Variants in TAF4 observed in about 807,000 individuals in gnomAD.
The protein encoded by TAF4 is transcription initiation factor TFIID subunit 4.
Under a neutral mutation model 90.3 loss-of-function variants are expected in TAF4, and 9 were observed. That is an observed-to-expected ratio of 0.10 (90% CI 0.06 to 0.17). The LOEUF (loss-of-function observed/expected upper bound fraction) is 0.17, where lower values mean the gene tolerates loss of function less well. Ranked by LOEUF, TAF4 falls within the 10% of genes least tolerant of loss-of-function variation. The pLI, the probability that TAF4 is intolerant of heterozygous loss-of-function variation, is 1.00. For missense variants in TAF4, 1,351 were observed against 1,370.7 expected, an observed-to-expected ratio of 0.99 and a Z score of 0.23; for synonymous variants, 818 against 638.9, an observed-to-expected ratio of 1.28 and a Z score of -4.23.
chr20:62,054,809 C>T (rs1483559736), intron 1 of TAF4, among the ~76,000 whole-genome samples: 1 of 152,142 alleles, frequency 6.6e-6, no homozygotes, highest in African/African-American at 2.4e-5. Context: ...CCGTCATGGC[C>T]ATCAGAGCCA....
At position 61,975,817 on chromosome 20, in the gene TAF4, T is replaced by G. The variant is rs1006063094; in HGVS notation, c.*351A>C. 7.7e-6 allele frequency: 2 copies of G among 259,520 alleles called. No homozygotes were observed. Among genetic ancestry groups the G allele is most frequent in the African/African-American group, 4.4e-5 (2 of 45,572 alleles). The allele number at this position is 259,520 out of a possible 1,614,324, so 16.1% of individuals were successfully genotyped here. A position where few individuals can be genotyped will look rare whatever the true frequency, so the allele number is the denominator to read the frequency against. ...ACATACACCTACATAGTAAGTTAGGTAGAACTAAACCAAAATGCACAAATA... is the reference window on the plus strand; with the variant it reads ...ACATACACCTACATAGTAAGTTAGGGAGAACTAAACCAAAATGCACAAATA... On this transcript the variant is annotated 3_prime_UTR_variant, in exon 15 of 15. Coordinates refer to ENST00000252996, the MANE Select transcript of TAF4 (RefSeq NM_003185.4).
In TAF4 at chr20:62,000,457, A is replaced by T. The variant is rs957046082; in HGVS notation, c.2656+95T>A. 2.7e-6 allele frequency: 4 copies of T among 1,463,338 alleles called. No homozygotes were observed. In the East Asian group the frequency reaches 6.8e-5, roughly 25 times the overall value. 90.6% of individuals were successfully genotyped at this position (1,463,338 alleles called of 1,614,324 possible). On this transcript the variant is annotated intron_variant, in intron 10 of 14. Transcript: ENST00000252996. ...TGTGGAAATCACAAACTCAGACAAAACACATGACCAGGTGTCAGGTGTGCT... is the reference window on the plus strand; with the variant it reads ...TGTGGAAATCACAAACTCAGACAAATCACATGACCAGGTGTCAGGTGTGCT...
At chr20:61,997,746 T>C (rs1343829716) in intron 13 of TAF4, 77 bp from the exon 14 acceptor site, 3 of 1,472,312 alleles carry the variant, frequency 2.0e-6, no homozygotes, top group African/African-American at 2.9e-5. Context: ...TACATAGATA[T>C]GAAAGGGTTT....
At chr20:62,049,167 T>A (rs766011975) in intron 1 of TAF4, among the ~76,000 whole-genome samples, 2 of 151,918 alleles carry the variant, frequency 1.3e-5, no homozygotes, top group Non-Finnish European at 2.9e-5. Context: ...GTTCTCCAGG[T>A]GCAGCAGTGC....
At chr20:62,030,141 A>G (rs1284687213) in intron 1 of TAF4, among the ~76,000 whole-genome samples, 2 of 152,336 alleles carry the variant, frequency 1.3e-5, no homozygotes, top group East Asian at 3.9e-4. Context: ...CACGTGCACA[A>G]GGAGAGGAGG....
At chr20:62,031,244 G>A (rs1314571054) in intron 1 of TAF4, among the ~76,000 whole-genome samples, 1 of 152,174 alleles carries the variant, frequency 6.6e-6, no homozygotes, top group Non-Finnish European at 1.5e-5. Flanking sequence ...AACGTGGCCA[G>A]GCTGCTCCAG....
intron 14 of TAF4, among the ~76,000 whole-genome samples, chr20:61,992,838 AC>A (rs1481433223): frequency 7.9e-5 from 12 of 152,336 alleles, no homozygotes; most frequent in Non-Finnish European, 1.2e-4. Flanking sequence ...TGACTCAGGA[AC>A]CAACCTGGAG....
At chr20:62,019,845 G>A (rs2055832696) in intron 1 of TAF4, among the ~76,000 whole-genome samples, 1 of 152,236 alleles carries the variant, frequency 6.6e-6, no homozygotes, top group Non-Finnish European at 1.5e-5. Context: ...TAGAGCATGC[G>A]AAGCTGTGCC....
intron 1 of TAF4, among the ~76,000 whole-genome samples, chr20:62,046,975 A>C (rs754259638): frequency 9.2e-5 from 14 of 152,150 alleles, no homozygotes; most frequent in Non-Finnish European, 1.8e-4. Flanking sequence ...TCTTTGTTAG[A>C]TATAAATATT....
At chr20:62,035,557 A>C (rs1221547762) in intron 1 of TAF4, among the ~76,000 whole-genome samples, 2 of 148,626 alleles carry the variant, frequency 1.3e-5, no homozygotes, top group African/African-American at 2.5e-5. Flanking sequence ...CACAAACCCC[A>C]TGCCAGGAGG....
intron 1 of TAF4, among the ~76,000 whole-genome samples, chr20:62,025,547 G>C (rs886200242): frequency 6.6e-6 from 1 of 152,170 alleles, no homozygotes; most frequent in African/African-American, 2.4e-5. Flanking sequence ...TCTCATGATA[G>C]CGAGTGAGTT....
At position 62,051,826 on chromosome 20, in the gene TAF4, G is replaced by A. The variant is rs558950042; in HGVS notation, c.1360+12625C>T. Among the ~76,000 whole-genome samples the A allele has an allele frequency of 3.9e-5, 6 of 152,272 alleles. No individual in the cohort carries two copies. The East Asian group carries it at 5.8e-4, about 15-fold the overall frequency. On this transcript the variant is annotated intron_variant, in intron 1 of 14. Transcript: ENST00000252996. ...GCCAGGCCATCAATACCTCAGGGGCGTCCCGGGTAGCAGGGATGCAGTGAT... is the reference window on the plus strand; with the variant it reads ...GCCAGGCCATCAATACCTCAGGGGCATCCCGGGTAGCAGGGATGCAGTGAT...
At chr20:62,057,130 G>T (rs1272376908) in intron 1 of TAF4, among the ~76,000 whole-genome samples, 1 of 152,168 alleles carries the variant, frequency 6.6e-6, no homozygotes, top group East Asian at 1.9e-4. Context: ...AAAATGAAAG[G>T]CTGTGTCCCC....
intron 1 of TAF4, among the ~76,000 whole-genome samples, chr20:62,060,366 C>A (rs1489570319): frequency 6.6e-6 from 1 of 152,270 alleles, no homozygotes; most frequent in Non-Finnish European, 1.5e-5. Context: ...AGTGCTCGGG[C>A]ACAGTAAGCA....
intron 1 of TAF4, among the ~76,000 whole-genome samples, chr20:62,046,564 T>A (rs1344425066): frequency 6.6e-6 from 1 of 152,246 alleles, no homozygotes; most frequent in Non-Finnish European, 1.5e-5. Flanking sequence ...CATCTCACCA[T>A]ACGGATCTAT....
chr20:61,991,904 C>T (rs2055633994), intron 14 of TAF4, among the ~76,000 whole-genome samples: 1 of 152,114 alleles, frequency 6.6e-6, no homozygotes, highest in East Asian at 1.9e-4. Context: ...ACGTGGCCTA[C>T]AGGAGGTAAA....
At chr20:61,992,809 T>A (rs779695975) in intron 14 of TAF4, among the ~76,000 whole-genome samples, 1 of 152,140 alleles carries the variant, frequency 6.6e-6, no homozygotes, top group Non-Finnish European at 1.5e-5. Flanking sequence ...GGCAAGGACA[T>A]CAGCCCCACG....
intron 1 of TAF4, among the ~76,000 whole-genome samples, chr20:62,022,031 C>T (rs1600848037): frequency 6.6e-6 from 1 of 151,984 alleles, no homozygotes; most frequent in Non-Finnish European, 1.5e-5. Context: ...CCTCCAGGCC[C>T]GCCAAGGTCT....
intron 1 of TAF4, among the ~76,000 whole-genome samples, chr20:62,060,102 A>C (rs1383980008): frequency 3.9e-5 from 6 of 152,120 alleles, no homozygotes; most frequent in African/African-American, 7.2e-5. Context: ...CCCTGTGCTG[A>C]TGTCTAAGGG....
Sources: allele counts gnomAD v4.1 joint callset (sites outside exome capture counted in the v4.1 genomes callset), GRCh38; gene constraint gnomAD v4.1.1; transcripts MANE v1.5; gene names NCBI Gene and HGNC (gene_info 2026-07-23, HGNC 2026-07-21).